The following ZNF302 variants were observed in gnomAD, a reference collection of about 807,000 sequenced individuals.
The protein encoded by ZNF302 is zinc finger protein 327.
A neutral mutation model predicts 10.8 loss-of-function variants in ZNF302; 12 were observed. That is an observed-to-expected ratio of 1.11 (90% confidence interval 0.71 to 1.79). The LOEUF is 1.79. ZNF302 is among the 40% of genes most tolerant of loss of function. The probability of loss-of-function intolerance (pLI) is 0.00; values close to 1 mark genes in which losing one functional copy is unlikely to be tolerated. For synonymous variants in ZNF302, 178 were observed against 157.5 expected, an observed-to-expected ratio of 1.13 and a Z score of -0.98; for missense variants, 461 against 471.1, an observed-to-expected ratio of 0.98 and a Z score of 0.20.
chr19:34,684,635 A>G lies in ZNF302; in HGVS notation c.598A>G (p.Ile200Val). The G allele has an allele frequency of 6.2e-7, 1 of 1,614,096 alleles. No individual in the cohort carries two copies. Residue 200 changes from isoleucine (I) to valine (V), a missense_variant, in exon 5 of 5, where the codon ATC (isoleucine) becomes GTC (valine). By Grantham distance (29) the Ile-to-Val change is conservative (BLOSUM62 3). Coordinates refer to ENST00000505242, the MANE Select transcript of ZNF302 (RefSeq NM_001289187.2). ...TCCCCAGACTTGTAATAGAGAGAAA[A>G]TCTATACATGCAGTGAATGTGGGAA... ...TLPQTCNREK[I>V]YTCSECGKAF...
chr19:34,677,443 T>C (rs1368567141), upstream of ZNF302: 1 of 152,262 alleles, frequency 6.6e-6, no homozygotes, highest in East Asian at 1.9e-4. Context: ...GACGACTGTG[T>C]GCCCCAGGAC....
In ZNF302 at chr19:34,683,466, A is replaced by G. The variant is rs2068467084; in HGVS notation, c.214+228A>G. On this transcript the variant is annotated intron_variant, in intron 4 of 4. Transcript: ENST00000505242. ...CAAGGTTAGAGGTTTTTGCCATCAT[A>G]ATAATTCAAATTGTTACTATATTCA... 2.0e-5 allele frequency among the ~76,000 whole-genome samples: 3 copies of G among 152,334 alleles called. No homozygotes were observed. The South Asian group carries it at 6.2e-4, about 32-fold the overall frequency.
Position 34,686,290 on chromosome 19 carries a change from C to T in ZNF302, c.*1053C>T, listed in dbSNP as rs1363482668. ...GGGCATGTGAAGATATTTAGTCACC[C>T]AGAGGAGCCAGTAAATGTTATAATG... On this transcript the variant is annotated 3_prime_UTR_variant, in exon 5 of 5. Transcript: ENST00000505242. 1 of 152,030 alleles carries T rather than the reference C, an allele frequency of 6.6e-6. No homozygotes were observed. The highest frequency in any genetic ancestry group is 2.4e-5 in the African/African-American group (1 of 41,376). 9.4% of individuals were successfully genotyped at this position (152,030 alleles called of 1,614,324 possible). A position where few individuals can be genotyped will look rare whatever the true frequency, so the allele number is the denominator to read the frequency against.
At chr19:34,682,642 A>C in intron 2 of ZNF302, 135 bp from the exon 3 acceptor site, 1 of 1,327,792 alleles carries the variant, frequency 7.5e-7, no homozygotes, top group Non-Finnish European at 1.0e-6. Context: ...TACTTACCTG[A>C]CATCACATTC....
Position 34,684,912 on chromosome 19 carries a change from A to T in ZNF302, c.875A>T (p.Lys292Met), listed in dbSNP as rs199732733. 141 of 1,614,006 alleles carry T rather than the reference A, an allele frequency of 8.7e-5. No individual in the cohort carries two copies. In the African/African-American group the frequency reaches 1.6e-3, roughly 18 times the overall value. ...CCGTATGAATGTATGAACTGTGGAAAGTCTTTTAGTCGTGTGTCCCTTCTC... is the reference window on the plus strand; with the variant it reads ...CCGTATGAATGTATGAACTGTGGAATGTCTTTTAGTCGTGTGTCCCTTCTC... ...EKPYECMNCG[K>M]SFSRVSLLIQ... Residue 292 changes from lysine (K) to methionine (M), a missense_variant, in exon 5 of 5, where the codon AAG (lysine) becomes ATG (methionine). Lys to Met is a moderately conservative substitution (Grantham distance 95). Transcript: ENST00000505242.
At chr19:34,683,909 G>A (rs1239205516) in intron 4 of ZNF302, 33 of 1,146,696 alleles carry the variant, frequency 2.9e-5, no homozygotes, top group Non-Finnish European at 3.6e-5. Context: ...GGCACAAAAT[G>A]ATGATTTGTA....
At position 34,684,501 on chromosome 19, in the gene ZNF302, A is replaced by G. The variant is rs765383248; in HGVS notation, c.464A>G (p.Asn155Ser). The change falls in exon 5 of 5, where the codon AAT (asparagine) becomes AGT (serine). Residue 155 changes from asparagine (N) to serine (S), a missense_variant. By Grantham distance (46) the Asn-to-Ser change is conservative. Coordinates refer to ENST00000505242, the MANE Select transcript of ZNF302 (RefSeq NM_001289187.2). ...NSHKYDILKK[N>S]LSKKSVIKSE... ...CACAAATATGATATATTAAAGAAGAATTTATCAAAAAAGTCAGTTATAAAA... is the reference window on the plus strand; with the variant it reads ...CACAAATATGATATATTAAAGAAGAGTTTATCAAAAAAGTCAGTTATAAAA... The G allele has an allele frequency of 1.7e-5, 27 of 1,612,494 alleles. No homozygotes were observed. The highest frequency in any genetic ancestry group is 1.6e-4 in the Middle Eastern group (1 of 6,078).
chr19:34,685,385 G>A lies in ZNF302; in HGVS notation c.*148G>A, dbSNP rs2068609052. 1 of 1,611,534 alleles carries A rather than the reference G, an allele frequency of 6.2e-7. No individual in the cohort carries two copies. The highest frequency in any genetic ancestry group is 1.3e-5 in the African/African-American group (1 of 74,854). On this transcript the variant is annotated 3_prime_UTR_variant, in exon 5 of 5. Coordinates refer to ENST00000505242, the MANE Select transcript of ZNF302 (RefSeq NM_001289187.2). ...TCAACATCACAGTATTCATACTGGA[G>A]AGAAACCTTACGAATGTATTAAATG... is the stretch of plus-strand genomic sequence containing the variant.
chr19:34,678,429 C>T (rs1316211033), intron 1 of ZNF302, among the ~76,000 whole-genome samples: 2 of 25,576 alleles, frequency 7.8e-5, no homozygotes, highest in Non-Finnish European at 1.1e-4. Flanking sequence ...GAGACTCCGT[C>T]TCAAAAAAAA....
Position 34,685,230 on chromosome 19 carries a change from A to G in ZNF302, c.1193A>G (p.Glu398Gly), listed in dbSNP as rs1290730881. The G allele has an allele frequency of 6.2e-7, 1 of 1,612,826 alleles. No homozygotes were observed. The highest frequency in any genetic ancestry group is 1.7e-5 in the Admixed American group (1 of 59,884). Residue 398 changes from glutamate to glycine, a missense_variant, in exon 5 of 5, where the codon GAA becomes GGA. Transcript: ENST00000505242. ...ATTCATACTGAAGAAAAACCGTTTG[A>G]AGTTTAGAAATGCAGGAAATCCTTC... ...QSIHTEEKPF[E>G]V
chr19:34,677,473 C>T (rs958499975), upstream of ZNF302: 1 of 152,322 alleles, frequency 6.6e-6, no homozygotes, highest in Non-Finnish European at 1.5e-5. Context: ...ATGGTCCTAG[C>T]TGGCCGGCTC....
Position 34,685,731 on chromosome 19 carries a change from C to G in ZNF302, c.*494C>G. 1 of 607,572 alleles carries G rather than the reference C, an allele frequency of 1.6e-6. No individual in the cohort carries two copies. Among genetic ancestry groups the G allele is most frequent in the South Asian group, 2.3e-5 (1 of 44,098 alleles). The allele number at this position is 607,572 out of a possible 1,614,324, so 37.6% of individuals were successfully genotyped here. On this transcript the variant is annotated 3_prime_UTR_variant, in exon 5 of 5. Transcript: ENST00000505242. ...GGAAAAGTTGTATGAAGGTGGTGAACATGGGAGACTTTTAGCAATGATGCA... is the reference window on the plus strand; with the variant it reads ...GGAAAAGTTGTATGAAGGTGGTGAAGATGGGAGACTTTTAGCAATGATGCA...
rs1373509828 is a variant in ZNF302 at position 34,678,073 on chromosome 19, C to G, written c.-99C>G. 3 of 152,208 alleles carry G rather than the reference C, an allele frequency of 2.0e-5. No individual in the cohort carries two copies. Among genetic ancestry groups the G allele is most frequent in the Non-Finnish European group, 4.4e-5 (3 of 68,052 alleles). 9.4% of individuals were successfully genotyped at this position (152,208 alleles called of 1,614,324 possible). On this transcript the variant is annotated 5_prime_UTR_variant, in exon 1 of 5. Transcript: ENST00000505242. ...TTGGGTTATGTCGTCATGAAGCCGG[C>G]GCTTTCAGTTGTGCAACCTTGAACA...
At chr19:34,677,517 C>T (rs764001566), upstream of ZNF302, 2 of 152,342 alleles carry the variant, frequency 1.3e-5, no homozygotes, top group Non-Finnish European at 2.9e-5. Flanking sequence ...AAGCTACTTA[C>T]AAAGCCGTGA....
At position 34,684,768 on chromosome 19, in the gene ZNF302, T is replaced by A; in HGVS notation, c.731T>A (p.Leu244His). The A allele has an allele frequency of 6.2e-7, 1 of 1,613,982 alleles. No homozygotes were observed. The highest frequency in any genetic ancestry group is 8.5e-7 in the Non-Finnish European group (1 of 1,179,894). Reference protein sequence around the residue: ...CGKTFSHGSSLTRHQISHSGE... With the variant: ...CGKTFSHGSSHTRHQISHSGE... ...AAGACTTTTAGCCATGGTTCATCCCTTACACGACATCAGATAAGCCATAGT... is the reference window on the plus strand; with the variant it reads ...AAGACTTTTAGCCATGGTTCATCCCATACACGACATCAGATAAGCCATAGT... Residue 244 changes from leucine (L) to histidine (H), a missense_variant, in exon 5 of 5, where the codon CTT becomes CAT. Coordinates refer to ENST00000505242, the MANE Select transcript of ZNF302 (RefSeq NM_001289187.2).
At chr19:34,678,599 A>AC (rs1318502525) in intron 1 of ZNF302, 138 bp from the exon 2 acceptor site, 14 of 576,498 alleles carry the variant, frequency 2.4e-5, no homozygotes, top group Non-Finnish European at 3.1e-6. Flanking sequence ...GCGGAGAAAC[A>AC]CCCTGTTCCT....
At position 34,684,379 on chromosome 19, in the gene ZNF302, G is replaced by A. The variant is rs755234038; in HGVS notation, c.342G>A (p.Lys114=). The change falls in exon 5 of 5, where the codon AAG becomes AAA. Residue 114 remains lysine (K), a synonymous_variant. Coordinates refer to ENST00000505242, the MANE Select transcript of ZNF302 (RefSeq NM_001289187.2). ...GTTATGAATTTTCAAATTCTAATAA[G>A]AATTTGGAATATACAGAATGCGACA... ...KQSYEFSNSN[K]NLEYTECDTF... is the part of the protein sequence containing the mutation. 1.2e-6 allele frequency: 2 copies of A among 1,605,300 alleles called. No homozygotes were observed. The highest frequency in any genetic ancestry group is 1.7e-6 in the Non-Finnish European group (2 of 1,177,410).
chr19:34,685,501 A>G lies in ZNF302; in HGVS notation c.*264A>G, dbSNP rs2068614635. ...CATATAAATGTAGTGAGTGTGGGAAAGCTTTTAGCAAAGGCTCGAATCTTA... is the reference window on the plus strand; with the variant it reads ...CATATAAATGTAGTGAGTGTGGGAAGGCTTTTAGCAAAGGCTCGAATCTTA... On this transcript the variant is annotated 3_prime_UTR_variant, in exon 5 of 5. Transcript: ENST00000505242. The G allele has an allele frequency of 6.3e-7, 1 of 1,578,082 alleles. No individual in the cohort carries two copies. Among genetic ancestry groups the G allele is most frequent in the Non-Finnish European group, 8.7e-7 (1 of 1,148,114 alleles).
chr19:34,686,020 A>G lies in ZNF302; in HGVS notation c.*783A>G, dbSNP rs1411539722. The G allele has an allele frequency of 6.5e-6, 1 of 154,362 alleles. No individual in the cohort carries two copies. The highest frequency in any genetic ancestry group is 6.4e-5 in the Admixed American group (1 of 15,594). 9.6% of individuals were successfully genotyped at this position (154,362 alleles called of 1,614,324 possible). A position where few individuals can be genotyped will look rare whatever the true frequency, so the allele number is the denominator to read the frequency against. ...GTGCATCCCTTATTCTATAGGAAAT[A>G]AACTGGAGACAAATCTCATTTAAGA... On this transcript the variant is annotated 3_prime_UTR_variant, in exon 5 of 5. Transcript: ENST00000505242.
Sources: gnomAD v4.1 joint callset for allele counts (sites outside exome capture counted in the v4.1 genomes callset) on GRCh38, gnomAD v4.1.1 for gene constraint, MANE v1.5 for transcripts, NCBI Gene and HGNC (gene_info 2026-07-23, HGNC 2026-07-21) for gene names.